The following CCDC192 variants were observed in gnomAD, a reference collection of about 807,000 sequenced individuals.
The protein encoded by CCDC192 is coiled-coil domain-containing protein 192.
chr5:127,808,136 T>C (rs892324058), intron 5 of CCDC192, among the ~76,000 whole-genome samples: 1 of 152,188 alleles, frequency 6.6e-6, no homozygotes, highest in Admixed American at 6.5e-5. Flanking sequence ...TTTTTGTTTT[T>C]ATAAATGGTT....
At chr5:127,831,205 T>C (rs1003262038) in intron 5 of CCDC192, among the ~76,000 whole-genome samples, 4 of 152,192 alleles carry the variant, frequency 2.6e-5, no homozygotes, top group African/African-American at 9.7e-5. Flanking sequence ...TTTTGTATTC[T>C]TATCCTATTA....
At chr5:127,746,532 C>T (rs1436337473) in intron 2 of CCDC192, among the ~76,000 whole-genome samples, 2 of 151,904 alleles carry the variant, frequency 1.3e-5, no homozygotes, top group Admixed American at 6.6e-5. Context: ...GGCCTCATGA[C>T]AATTCCCCAT....
At chr5:127,710,034 T>C (rs777522167) in intron 2 of CCDC192, among the ~76,000 whole-genome samples, 24 of 152,310 alleles carry the variant, frequency 1.6e-4, no homozygotes, top group Admixed American at 2.6e-4. Flanking sequence ...GGGCTTCAAT[T>C]AGCTTCCTGG....
chr5:127,902,290 T>G (rs1753057683), intron 6 of CCDC192, among the ~76,000 whole-genome samples: 1 of 150,280 alleles, frequency 6.7e-6, no homozygotes, highest in African/African-American at 2.4e-5. Context: ...ATAATAATAA[T>G]AATAATTAAA....
At chr5:127,737,170 C>A (rs551962282) in intron 2 of CCDC192, among the ~76,000 whole-genome samples, 15 of 151,950 alleles carry the variant, frequency 9.9e-5, no homozygotes, top group Non-Finnish European at 2.1e-4. Flanking sequence ...TTCATTTCTG[C>A]CTTCATTTCA....
Position 127,776,846 on chromosome 5 carries a change from C to T in CCDC192, c.223-20257C>T, listed in dbSNP as rs11948729. ...CAGCTTCCACATGGTGTTGAGCCTG[C>T]GCGTGCAGAGAAGTCAAGAATTGAG... On this transcript the variant is annotated intron_variant, in intron 3 of 6. Transcript: ENST00000514853. 3.2e-3 allele frequency among the ~76,000 whole-genome samples: 492 copies of T among 152,296 alleles called. 2 individuals carry two copies. The highest frequency in any genetic ancestry group is 0.011 in the African/African-American group (441 of 41,566).
At chr5:127,794,342 G>A (rs1331380982) in intron 3 of CCDC192, among the ~76,000 whole-genome samples, 1 of 152,180 alleles carries the variant, frequency 6.6e-6, no homozygotes, top group Non-Finnish European at 1.5e-5. Context: ...CTTACTTGCT[G>A]TATCCTTTGA....
At position 127,777,191 on chromosome 5, in the gene CCDC192, C is replaced by T. The variant is rs1014279526; in HGVS notation, c.223-19912C>T. On this transcript the variant is annotated intron_variant, in intron 3 of 6. Transcript: ENST00000514853. The stretch of plus-strand genomic sequence containing the variant: ...GAGGCTGTATCCTGCAAAGCCACAG[C>T]GGCAAAGCTACCCAAGACCATGGGA... Among the ~76,000 whole-genome samples, 13 of 152,220 alleles carry T rather than the reference C, an allele frequency of 8.5e-5. 1 individual carries two copies. Among genetic ancestry groups the T allele is most frequent in the Admixed American group, 2.0e-4 (3 of 15,286 alleles).
intron 5 of CCDC192, among the ~76,000 whole-genome samples, chr5:127,835,841 G>A (rs1208608440): frequency 1.3e-5 from 2 of 151,882 alleles, no homozygotes; most frequent in Non-Finnish European, 2.9e-5. Context: ...CAACACCTGG[G>A]GATTACAATT....
chr5:127,824,210 CTAACAA>C (rs1749421086), intron 5 of CCDC192, among the ~76,000 whole-genome samples: 1 of 152,136 alleles, frequency 6.6e-6, no homozygotes, highest in Non-Finnish European at 1.5e-5. Context: ...CCTTGAGACA[CTAACAA>C]TAATATCAAC....
At chr5:127,803,011 A>G (rs1230648716) in intron 5 of CCDC192, among the ~76,000 whole-genome samples, 1 of 152,240 alleles carries the variant, frequency 6.6e-6, no homozygotes, top group African/African-American at 2.4e-5. Context: ...GGAAAAAAAT[A>G]GCAGAGAAAG....
intron 2 of CCDC192, among the ~76,000 whole-genome samples, chr5:127,724,466 G>A (rs1003783388): frequency 6.6e-6 from 1 of 152,108 alleles, no homozygotes; most frequent in African/African-American, 2.4e-5. Context: ...AATCTAGAAA[G>A]AAGTCTTCCA....
intron 2 of CCDC192, among the ~76,000 whole-genome samples, chr5:127,752,976 G>C (rs552786585): frequency 6.6e-6 from 1 of 152,226 alleles, no homozygotes; most frequent in South Asian, 2.1e-4. Context: ...TTTGGGTCGC[G>C]TCGGTGTGCG....
At chr5:127,916,100 A>G (rs977300575) in intron 6 of CCDC192, among the ~76,000 whole-genome samples, 5 of 152,210 alleles carry the variant, frequency 3.3e-5, no homozygotes, top group African/African-American at 1.2e-4. Flanking sequence ...ATTCTAAATC[A>G]TTTGTTGTTA....
intron 3 of CCDC192, among the ~76,000 whole-genome samples, chr5:127,766,507 G>C (rs995531130): frequency 6.6e-6 from 1 of 150,906 alleles, no homozygotes; most frequent in Non-Finnish European, 1.5e-5. Context: ...CAGGCCATGG[G>C]ACTTCTGTGG....
intron 2 of CCDC192, among the ~76,000 whole-genome samples, chr5:127,749,666 T>A (rs1754011108): frequency 6.6e-6 from 1 of 152,158 alleles, no homozygotes; most frequent in South Asian, 2.1e-4. Flanking sequence ...TTCTATTGAT[T>A]GGAATAGTTT....
intron 2 of CCDC192, among the ~76,000 whole-genome samples, chr5:127,715,320 T>A (rs1200190682): frequency 1.3e-5 from 2 of 152,230 alleles, no homozygotes; most frequent in Non-Finnish European, 2.9e-5. Context: ...GATAGGAGAC[T>A]AGTTTCATTC....
chr5:127,709,060 C>G (rs2126774326), intron 2 of CCDC192, among the ~76,000 whole-genome samples: 1 of 147,846 alleles, frequency 6.8e-6, no homozygotes. Flanking sequence ...TCCAATTAGG[C>G]TTTCGGAAAG....
chr5:127,891,428 C>T (rs1224260815), intron 6 of CCDC192, among the ~76,000 whole-genome samples: 1 of 152,158 alleles, frequency 6.6e-6, no homozygotes, highest in Non-Finnish European at 1.5e-5. Context: ...CATCTTTCCA[C>T]TACCAAATCT....
Sources: allele counts gnomAD v4.1 joint callset (sites outside exome capture counted in the v4.1 genomes callset), GRCh38; gene constraint gnomAD v4.1.1; transcripts MANE v1.5; gene names NCBI Gene and HGNC (gene_info 2026-07-23, HGNC 2026-07-21).